TENM2: variants seen among roughly 807,000 people sequenced by gnomAD.
TENM2 encodes the protein teneurin-2.
In TENM2, 52 loss-of-function variants were observed where a neutral mutation model predicts 245.2. The ratio of observed to expected loss-of-function variants is 0.21; its 90% CI spans 0.17 to 0.27. The LOEUF is 0.27. Among genes scored for constraint, TENM2 ranks in the 10% least tolerant of loss-of-function variants. The pLI is 1.00. For synonymous variants in TENM2, 1,363 were observed against 1,438.9 expected, an observed-to-expected ratio of 0.95 and a Z score of 1.19; for missense variants, 3,046 against 3,666.8, an observed-to-expected ratio of 0.83 and a Z score of 4.37.
Position 168,218,525 on chromosome 5 carries a change from C to T in TENM2, c.4634C>T (p.Ser1545Phe). The change falls in exon 23 of 29, where the codon TCC (serine) becomes TTC (phenylalanine). Residue 1545 changes from serine (S) to phenylalanine (F), a missense_variant. Physicochemically the swap from Ser to Phe is radical, Grantham distance 155. Around this residue, in one of 2 missense-constraint regions of TENM2, gnomAD observed 2,704 missense variants for 3,331.9 expected, o/e 0.81. Coordinates refer to ENST00000518659, the Ensembl canonical transcript of TENM2. This position sits in a 1 kb window ranked among gnomAD's most constrained non-coding sequence, Gnocchi z 5.2. ...TACGCGACTGATGCCATCTTGAATT[C>T]CCCATCATCCTTAGCTGTAGCTCCA... 2 of 1,614,006 alleles carry T rather than the reference C, an allele frequency of 1.2e-6. No homozygotes were observed. Among genetic ancestry groups the T allele is most frequent in the Non-Finnish European group, 1.7e-6 (2 of 1,179,904 alleles).
At chr5:167,240,078 T>C in the TENM2 span, among the ~76,000 whole-genome samples, 1 of 152,232 alleles carries the variant, frequency 6.6e-6, no homozygotes, top group East Asian at 1.9e-4. Context: ...CCAGCCTTTT[T>C]TTAAATAGCC....
intron 7 of TENM2, among the ~76,000 whole-genome samples, chr5:168,062,898 G>T (rs900535507): frequency 6.6e-6 from 1 of 152,178 alleles, no homozygotes; most frequent in Non-Finnish European, 1.5e-5. Context: ...GGGTTTTTGG[G>T]GGGTAGTGAT....
intron 4 of TENM2, among the ~76,000 whole-genome samples, chr5:167,963,557 G>T (rs1053190129): frequency 6.6e-6 from 1 of 152,154 alleles, no homozygotes; most frequent in African/African-American, 2.4e-5. Flanking sequence ...CAAACAGCTT[G>T]ACCACCCTTA....
At chr5:167,260,431 T>C in the TENM2 span, among the ~76,000 whole-genome samples, 1 of 152,182 alleles carries the variant, frequency 6.6e-6, no homozygotes, top group Non-Finnish European at 1.5e-5. Flanking sequence ...TGTAATTACA[T>C]TGGCTGTTTA....
intron 9 of TENM2, among the ~76,000 whole-genome samples, chr5:168,102,191 A>G (rs1793876067): frequency 6.6e-6 from 1 of 152,128 alleles, no homozygotes; most frequent in African/African-American, 2.4e-5. Context: ...CACCTGCCTC[A>G]GCCTCCTGAG....
At chr5:167,258,332 TA>T in the TENM2 span, among the ~76,000 whole-genome samples, 1 of 151,228 alleles carries the variant, frequency 6.6e-6, no homozygotes, top group Non-Finnish European at 1.5e-5. Context: ...AGCTTAAAAA[TA>T]AAAAGGGTAA....
the TENM2 span, among the ~76,000 whole-genome samples, chr5:166,991,309 T>C: frequency 6.6e-6 from 1 of 151,932 alleles, no homozygotes; most frequent in Non-Finnish European, 1.5e-5. Flanking sequence ...TTGTCATGAA[T>C]AGAGAATAAG....
chr5:167,193,492 C>CA, the TENM2 span, among the ~76,000 whole-genome samples: 1 of 146,426 alleles, frequency 6.8e-6, no homozygotes, highest in Non-Finnish European at 1.5e-5. Context: ...TTGTAACAGA[C>CA]AGAAAGGGCA....
intron 2 of TENM2, among the ~76,000 whole-genome samples, chr5:167,819,519 G>A (rs766733702): frequency 5.3e-5 from 8 of 152,118 alleles, no homozygotes; most frequent in Non-Finnish European, 7.4e-5. Flanking sequence ...TTCACTAAGC[G>A]GTGCCTGGGG....
intron 2 of TENM2, among the ~76,000 whole-genome samples, chr5:167,616,814 A>C (rs1777820822): frequency 6.6e-6 from 1 of 151,876 alleles, no homozygotes; most frequent in Non-Finnish European, 1.5e-5. Flanking sequence ...TGAGGCAATA[A>C]TTTTTCCAGT....
At chr5:167,391,285 A>G (rs935259608) in intron 2 of TENM2, among the ~76,000 whole-genome samples, 8 of 152,144 alleles carry the variant, frequency 5.3e-5, no homozygotes, top group African/African-American at 1.7e-4. Flanking sequence ...GAGCTAGAGT[A>G]TACAGAACTT....
chr5:168,076,865 G>A lies in TENM2; in HGVS notation c.1516-13709G>A, dbSNP rs181124593. On this transcript the variant is annotated intron_variant, in intron 7 of 28. Coordinates refer to ENST00000518659, the Ensembl canonical transcript of TENM2. ...TGGGCTGAGGTTGACTGTACCCTGT[G>A]GTCCTGTGAATACACACACACGTGC... Among the ~76,000 whole-genome samples the A allele has an allele frequency of 3.6e-3, 544 of 152,260 alleles. 1 individual carries two copies. Among genetic ancestry groups the A allele is most frequent in the African/African-American group, 0.012 (519 of 41,560 alleles).
At chr5:167,175,832 C>G in the TENM2 span, among the ~76,000 whole-genome samples, 1 of 152,198 alleles carries the variant, frequency 6.6e-6, no homozygotes, top group Non-Finnish European at 1.5e-5. Flanking sequence ...GCCTCAGCCC[C>G]CCGAGTAGCT....
At chr5:167,106,893 A>G in the TENM2 span, among the ~76,000 whole-genome samples, 2 of 152,132 alleles carry the variant, frequency 1.3e-5, no homozygotes, top group African/African-American at 4.8e-5. Context: ...TGCATAGAAG[A>G]TAGTGCTGTT....
intron 5 of TENM2, among the ~76,000 whole-genome samples, chr5:168,045,913 C>A (rs1788568135): frequency 6.6e-6 from 1 of 152,152 alleles, no homozygotes; most frequent in Non-Finnish European, 1.5e-5. Flanking sequence ...AACGGACAAA[C>A]TGCAGGAGAA....
chr5:167,015,453 A>G, the TENM2 span, among the ~76,000 whole-genome samples: 1 of 152,212 alleles, frequency 6.6e-6, no homozygotes, highest in Admixed American at 6.5e-5. Flanking sequence ...ACTTCTCCAC[A>G]CAGCATATGG....
intron 4 of TENM2, among the ~76,000 whole-genome samples, chr5:167,968,030 G>T (rs1283295659): frequency 1.3e-5 from 2 of 152,084 alleles, no homozygotes; most frequent in Middle Eastern, 6.3e-3. Flanking sequence ...TTTTCTGAAG[G>T]CACCTTTGAT....
chr5:168,017,327 A>G (rs974487652), intron 5 of TENM2, among the ~76,000 whole-genome samples: 1 of 152,226 alleles, frequency 6.6e-6, no homozygotes, highest in African/African-American at 2.4e-5. Context: ...TCACCTTTGC[A>G]GAGTTATTAA....
chr5:167,570,002 T>C (rs1549214), intron 2 of TENM2, among the ~76,000 whole-genome samples: 90,525 of 152,022 alleles, frequency 0.6, 27,786 homozygotes, highest in Admixed American at 0.7. Context: ...GATATACTTG[T>C]GGAGGACATG....
Sources: allele counts gnomAD v4.1 joint callset (sites outside exome capture counted in the v4.1 genomes callset), GRCh38; gene constraint gnomAD v4.1.1; regional missense constraint gnomAD v4.1.1; non-coding constraint Gnocchi (gnomAD v3.1); transcripts MANE v1.5; gene names NCBI Gene and HGNC (gene_info 2026-07-23, HGNC 2026-07-21).